Variants in CDH23 observed in about 807,000 individuals in gnomAD.
CDH23 encodes the protein cadherin related 23, also known as cadherin-23.
A neutral mutation model predicts 317.1 loss-of-function variants in CDH23; 189 were observed. The ratio of observed to expected loss-of-function variants is 0.60; its 90% CI spans 0.53 to 0.67. CDH23 has a LOEUF of 0.67. Ranked by LOEUF, CDH23 falls within the 30% of genes least tolerant of loss-of-function variation. The pLI is 0.00. For synonymous variants in CDH23, 1,839 were observed against 1,876.8 expected (o/e 0.98, Z 0.52); for missense variants, 4,401 against 4,592.4 (o/e 0.96, Z 1.20).
chr10:71,661,089 G>A (rs747354233), intron 14 of CDH23, among the ~76,000 whole-genome samples: 8 of 152,158 alleles, frequency 5.3e-5, no homozygotes, highest in Admixed American at 1.3e-4. Context: ...ACGGAGGCAC[G>A]AACCTCCTTG....
At chr10:71,513,261 A>C (rs1365750362) in intron 6 of CDH23, among the ~76,000 whole-genome samples, 1 of 152,110 alleles carries the variant, frequency 6.6e-6, no homozygotes, top group Non-Finnish European at 1.5e-5. Context: ...AGCTGGACGG[A>C]GGCCTGGCTA....
intron 1 of CDH23, among the ~76,000 whole-genome samples, chr10:71,434,503 T>C (rs1218279962): frequency 6.6e-6 from 1 of 152,156 alleles, no homozygotes; most frequent in Non-Finnish European, 1.5e-5. Context: ...CTCTCTGTGG[T>C]ATAAGACTTT....
In CDH23 at chr10:71,728,816, G is replaced by A. The variant is rs756326658; in HGVS notation, c.3580-1653G>A. On this transcript the variant is annotated intron_variant, in intron 30 of 69. Transcript: ENST00000224721. ...ACTCCTGGGCTCCAGCAATCCTCCCGCCTCAGCCTCCCTAGTAGCTGGGAT... is the reference window on the plus strand; with the variant it reads ...ACTCCTGGGCTCCAGCAATCCTCCCACCTCAGCCTCCCTAGTAGCTGGGAT... Among the ~76,000 whole-genome samples the A allele has an allele frequency of 6.8e-4, 103 of 152,100 alleles. 1 individual carries two copies. The highest frequency in any genetic ancestry group is 7.4e-4 in the Non-Finnish European group (50 of 67,998).
At chr10:71,596,196 T>C (rs1859831432) in intron 9 of CDH23, among the ~76,000 whole-genome samples, 1 of 151,930 alleles carries the variant, frequency 6.6e-6, no homozygotes, top group Non-Finnish European at 1.5e-5. Flanking sequence ...CAGCCATAAT[T>C]AGGATGTCGG....
intron 16 of CDH23, among the ~76,000 whole-genome samples, chr10:71,678,183 C>T (rs1864454747): frequency 6.6e-6 from 1 of 152,146 alleles, no homozygotes; most frequent in African/African-American, 2.4e-5. Flanking sequence ...TTAGCAAGGG[C>T]ATTGAGTGGG....
intron 3 of CDH23, among the ~76,000 whole-genome samples, chr10:71,480,304 G>C (rs1365719965): frequency 6.6e-6 from 1 of 152,254 alleles, no homozygotes; most frequent in Non-Finnish European, 1.5e-5. Context: ...CCTTACCCCA[G>C]TCTGGCCCTA....
intron 38 of CDH23, among the ~76,000 whole-genome samples, chr10:71,766,213 C>T (rs1011387950): frequency 3.9e-5 from 6 of 152,152 alleles, no homozygotes; most frequent in Admixed American, 2.0e-4. Context: ...TGTCGGAGAC[C>T]GGGAAAAGTG....
At chr10:71,585,771 G>A (rs1359970196) in intron 9 of CDH23, among the ~76,000 whole-genome samples, 1 of 152,148 alleles carries the variant, frequency 6.6e-6, no homozygotes, top group Non-Finnish European at 1.5e-5. Context: ...TCATGAGCTC[G>A]CCTTTGTGAT....
intron 8 of CDH23, among the ~76,000 whole-genome samples, chr10:71,575,531 T>A (rs1858126717): frequency 6.6e-6 from 1 of 151,924 alleles, no homozygotes; most frequent in Non-Finnish European, 1.5e-5. Context: ...CTCCTCCCAT[T>A]ACAAACAGCG....
At chr10:71,548,334 C>T (rs1407623005) in intron 6 of CDH23, among the ~76,000 whole-genome samples, 1 of 152,122 alleles carries the variant, frequency 6.6e-6, no homozygotes, top group Non-Finnish European at 1.5e-5. Flanking sequence ...GCTCCTAATC[C>T]AGTGGCCTCA....
rs1479912868 is a variant in CDH23 at position 71,622,978 on chromosome 10, T to TA, written c.1134+5586dup. The TA allele has an allele frequency of 4.1e-6, 4 of 984,502 alleles. No individual in the cohort carries two copies. In the African/African-American group the frequency reaches 7.0e-5, roughly 17 times the overall value. 61.0% of individuals were successfully genotyped at this position (984,502 alleles called of 1,614,324 possible). On this transcript the variant is annotated intron_variant, in intron 11 of 69. Transcript: ENST00000224721. Reference sequence around the variant, plus strand: ...CTTCCTGAGGGACTATGCTGAAACTTACGCAGGTTGGGGGTTAGTTATTAA... The same window carrying TA: ...CTTCCTGAGGGACTATGCTGAAACTTAACGCAGGTTGGGGGTTAGTTATTAA...
At chr10:71,773,061 G>A (rs1009368649) in intron 38 of CDH23, among the ~76,000 whole-genome samples, 2 of 152,212 alleles carry the variant, frequency 1.3e-5, no homozygotes, top group Admixed American at 1.3e-4. Flanking sequence ...AGCTACCTGT[G>A]CCCTGGGTTC....
rs139000882 is a variant in CDH23, at chr10:71,705,296, C to T, written c.2953+166C>T. Among the ~76,000 whole-genome samples the T allele has an allele frequency of 3.0e-3, 463 of 152,292 alleles. 1 individual carries two copies. The highest frequency in any genetic ancestry group is 0.011 in the African/African-American group (441 of 41,566). On this transcript the variant is annotated intron_variant, in intron 25 of 69. Transcript: ENST00000224721. The stretch of plus-strand genomic sequence containing the variant: ...CCTCCCCAGCTGGAGCCATTCAACA[C>T]AGCAGAGCCTTCTCCACACCTGACC...
At chr10:71,803,909 C>T (rs1037579041) in intron 55 of CDH23, among the ~76,000 whole-genome samples, 2 of 149,842 alleles carry the variant, frequency 1.3e-5, no homozygotes, top group African/African-American at 4.9e-5. Flanking sequence ...CGCTTGAACC[C>T]GGGAGACGGA....
At chr10:71,509,538 C>T (rs1253227325) in intron 3 of CDH23, among the ~76,000 whole-genome samples, 2 of 152,102 alleles carry the variant, frequency 1.3e-5, no homozygotes, top group African/African-American at 2.4e-5. Context: ...GATGGCTGCC[C>T]GCAGTGCCAA....
At position 71,567,563 on chromosome 10, in the gene CDH23, T is replaced by C. The variant is rs139352380; in HGVS notation, c.624+627T>C. 2.4e-3 allele frequency among the ~76,000 whole-genome samples: 361 copies of C among 152,368 alleles called. 2 individuals carry two copies. The highest frequency in any genetic ancestry group is 3.6e-3 in the Non-Finnish European group (246 of 68,034). On this transcript the variant is annotated intron_variant, in intron 7 of 69. Transcript: ENST00000224721. ...ACTCTGTTGAGGGTCACACAGCCCA[T>C]GAGTAGTGGCGGAGCAAGAACCCAA...
chr10:71,768,848 C>A (rs1840621182), intron 38 of CDH23, among the ~76,000 whole-genome samples: 1 of 152,194 alleles, frequency 6.6e-6, no homozygotes, highest in African/African-American at 2.4e-5. Flanking sequence ...GTACTAGTAT[C>A]ATCTCCATTT....
In CDH23 at chr10:71,511,088, G is replaced by A. The variant is rs756109068; in HGVS notation, c.337-32G>A. The A allele has an allele frequency of 3.7e-6, 6 of 1,612,662 alleles. No homozygotes were observed. In the South Asian group the frequency reaches 4.4e-5, roughly 12 times the overall value. On this transcript the variant is annotated intron_variant, in intron 5 of 69. Coordinates refer to ENST00000224721, the MANE Select transcript of CDH23 (RefSeq NM_022124.6). The stretch of plus-strand genomic sequence containing the variant: ...GGGTGGAAGAGGCCAGAGTCAGGTG[G>A]CGGCGCTAATTGCCCGCCTTTCTCT...
Position 71,751,764 on chromosome 10 carries a change from G to A in CDH23, c.4845+9843G>A. 1 of 1,604,178 alleles carries A rather than the reference G, an allele frequency of 6.2e-7. No individual in the cohort carries two copies. Among genetic ancestry groups the A allele is most frequent in the Non-Finnish European group, 8.5e-7 (1 of 1,175,020 alleles). On this transcript the variant is annotated intron_variant, in intron 38 of 69. Coordinates refer to ENST00000224721, the MANE Select transcript of CDH23 (RefSeq NM_022124.6). The surrounding 1 kb of genome is among the most constrained non-coding windows in gnomAD (Gnocchi z 4.9). Reference sequence around the variant, plus strand: ...CGCCCAGACTCAGAAGGCTGCCGCTGGGCCACATAGGACAGGGGGTGCCTG... The same window carrying A: ...CGCCCAGACTCAGAAGGCTGCCGCTAGGCCACATAGGACAGGGGGTGCCTG...
Sources: allele counts gnomAD v4.1 joint callset (sites outside exome capture counted in the v4.1 genomes callset), GRCh38; gene constraint gnomAD v4.1.1; non-coding constraint Gnocchi (gnomAD v3.1); transcripts MANE v1.5; gene names NCBI Gene and HGNC (gene_info 2026-07-23, HGNC 2026-07-21).